Variants in PHKA1 observed in about 807,000 individuals in gnomAD.
The protein encoded by PHKA1 is phosphorylase kinase regulatory subunit alpha 1, also known as phosphorylase b kinase regulatory subunit alpha, skeletal muscle isoform.
PHKA1 carries 60 observed loss-of-function variants against 110.2 expected under a neutral mutation model. The observed-to-expected ratio is 0.54, with a 90% CI of 0.44 to 0.68. The LOEUF (loss-of-function observed/expected upper bound fraction) is 0.68. PHKA1 is among the 30% of genes least tolerant of loss of function. The pLI is 0.00. For synonymous variants in PHKA1, 316 were observed against 333.6 expected (o/e 0.95, Z 0.58); for missense variants, 801 against 942.5 (o/e 0.85, Z 1.97).
At position 72,609,652 on chromosome X, in the gene PHKA1, G is replaced by A. The variant is rs781963831; in HGVS notation, c.2578C>T (p.Pro860Ser). ...GAGATAGTCTTTTCTCGAGGTTCTG[G>A]AGGAAGTCCTACTGTCAAATGTTTC... is the stretch of plus-strand genomic sequence containing the variant. The part of the protein sequence containing the change: ...HQKHLTVGLP[P>S]EPREKTISAP... The change falls in exon 23 of 32, where the codon CCA becomes TCA. Residue 860 changes from proline (P) to serine (S), a missense_variant. Pro to Ser is a moderately conservative substitution (Grantham distance 74). This residue lies in a region of PHKA1 where 502 missense variants were observed against 519.2 expected (regional missense o/e 0.97). Transcript: ENST00000373542. The A allele has an allele frequency of 3.7e-5, 44 of 1,204,742 alleles. No individual in the cohort carries two copies. The Admixed American group carries it at 9.4e-4, about 26-fold the overall frequency.
At chrX:72,710,572 CTAA>C (rs1556334167) in intron 2 of PHKA1, among the ~76,000 whole-genome samples, 1 of 111,685 alleles carries the variant, frequency 9.0e-6, no homozygotes, top group Admixed American at 9.4e-5. Flanking sequence ...AAATTGAGAC[CTAA>C]TAATAAAAAC....
At chrX:72,636,184 C>T in intron 15 of PHKA1, 93 bp downstream of exon 15, 2 of 567,071 alleles carry the variant, frequency 3.5e-6, no homozygotes, top group Non-Finnish European at 6.2e-6. Flanking sequence ...AACTCTTTGA[C>T]ACTTATCCCA....
intron 5 of PHKA1, among the ~76,000 whole-genome samples, chrX:72,676,493 A>T (rs1204134009): frequency 8.9e-6 from 1 of 112,182 alleles, no homozygotes; most frequent in African/African-American, 3.2e-5. Flanking sequence ...ATGGAGCCTA[A>T]ATAGCAGCCC....
chrX:72,619,540 G>C (rs1459853168), intron 19 of PHKA1, among the ~76,000 whole-genome samples: 1 of 111,986 alleles, frequency 8.9e-6, no homozygotes, highest in Non-Finnish European at 1.9e-5. Context: ...GCACTAGCTG[G>C]ACATGTAAGA....
At chrX:72,669,893 C>T (rs1376564020) in intron 6 of PHKA1, among the ~76,000 whole-genome samples, 11 of 110,567 alleles carry the variant, frequency 9.9e-5, no homozygotes, top group Non-Finnish European at 2.1e-4. Flanking sequence ...TGGGTATATA[C>T]CCAGTAATGG....
chrX:72,618,825 G>A lies in PHKA1; in HGVS notation c.2254C>T (p.His752Tyr). ...NQVPSVRVEI[H>Y]LPRDQSGEVD... ...TCCCCAGACTGGTCTCTAGGAAGAT[G>A]TATTTCTACACGAACAGAGGGAACC... Residue 752 changes from histidine (H) to tyrosine (Y), a missense_variant, in exon 21 of 32, where the codon CAT becomes TAT. Coordinates refer to ENST00000373542, the MANE Select transcript of PHKA1 (RefSeq NM_002637.4). 1 of 1,204,372 alleles carries A rather than the reference G, an allele frequency of 8.3e-7. No individual in the cohort carries two copies.
chrX:72,625,669 GTTGT>G (rs782731052), intron 17 of PHKA1, among the ~76,000 whole-genome samples: 7 of 111,445 alleles, frequency 6.3e-5, no homozygotes, highest in Non-Finnish European at 1.1e-4. Context: ...TCTATTTTAA[GTTGT>G]TTGAGAAATC....
intron 4 of PHKA1, among the ~76,000 whole-genome samples, chrX:72,687,829 C>CT (rs1324615533): frequency 1.4e-3 from 143 of 100,164 alleles, no homozygotes; most frequent in Admixed American, 2.4e-3. Context: ...TTATCAGAAA[C>CT]TTTTTTTTTT....
In PHKA1 at chrX:72,620,771, G is replaced by T. The variant is rs782416080; in HGVS notation, c.2091C>A (p.Cys697Ter). The T allele has an allele frequency of 5.0e-6, 6 of 1,207,860 alleles. No homozygotes were observed. The highest frequency in any genetic ancestry group is 5.6e-6 in the Non-Finnish European group (5 of 894,504). Residue 697 changes from cysteine (C) to a stop codon, truncating the protein, a stop_gained, in exon 19 of 32, where the codon TGC (cysteine) becomes TGA (stop). Transcript: ENST00000373542. LOFTEE classifies it high-confidence loss of function. Reference protein sequence around the residue: ...DRFQAAVQTTCDLMSLVTKAK... With the variant: ...DRFQAAVQTT ...CCTTGGTCACCAAGGACATTAAGTC[G>T]CAGGTTGTTTGCACAGCAGCTTGGA...
At chrX:72,582,350 G>T (rs2052349635) in intron 31 of PHKA1, 48 bp downstream of exon 31, 2 of 917,351 alleles carry the variant, frequency 2.2e-6, no homozygotes, top group Non-Finnish European at 3.2e-6. Context: ...ATGTCATCAG[G>T]TTGGAGTAAA....
In PHKA1 at chrX:72,582,318, G is replaced by A. The variant is rs1173053317; in HGVS notation, c.3498+80C>T. 18 of 683,963 alleles carry A rather than the reference G, an allele frequency of 2.6e-5. No homozygotes were observed. In the East Asian group the frequency reaches 5.2e-4, roughly 20 times the overall value. 56.4% of individuals were successfully genotyped at this position (683,963 alleles called of 1,213,427 possible). On this transcript the variant is annotated intron_variant, in intron 31 of 31. Coordinates refer to ENST00000373542, the MANE Select transcript of PHKA1 (RefSeq NM_002637.4). ...AGGAAGAGGGCACAAGAAAGTGACC[G>A]TGGCTCCTCAAAGACCTCTGAATGT...
At chrX:72,605,477 T>C in intron 24 of PHKA1, 64 bp downstream of exon 24, 4 of 1,172,180 alleles carry the variant, frequency 3.4e-6, no homozygotes, top group Non-Finnish European at 4.7e-6. Flanking sequence ...TGGAAATTGC[T>C]AGATCAATTG....
At chrX:72,646,738 A>G (rs1309564872) in intron 13 of PHKA1, among the ~76,000 whole-genome samples, 2 of 111,745 alleles carry the variant, frequency 1.8e-5, no homozygotes, top group Non-Finnish European at 3.8e-5. Context: ...AGGCATAATC[A>G]GAGGAATACC....
chrX:72,692,972 G>A (rs1333564633), intron 4 of PHKA1, among the ~76,000 whole-genome samples: 1 of 107,807 alleles, frequency 9.3e-6, no homozygotes, highest in Non-Finnish European at 1.9e-5. Context: ...GTGTTTACAG[G>A]TATAAACTTC....
In PHKA1 at chrX:72,714,046, C is replaced by G; in HGVS notation, c.-166G>C. On this transcript the variant is annotated 5_prime_UTR_variant, in exon 1 of 32. Coordinates refer to ENST00000373542, the MANE Select transcript of PHKA1 (RefSeq NM_002637.4). ...CTCAGGCCTGGCGCCGCGGATTCCG[C>G]GTACCTCTCCGGACTCCGGCGGCCT... 2 of 493,875 alleles carry G rather than the reference C, an allele frequency of 4.0e-6. No individual in the cohort carries two copies. Among genetic ancestry groups the G allele is most frequent in the Admixed American group, 2.9e-5 (1 of 34,820 alleles). 40.7% of individuals were successfully genotyped at this position (493,875 alleles called of 1,213,427 possible).
At chrX:72,685,772 A>G (rs1336486026) in intron 4 of PHKA1, among the ~76,000 whole-genome samples, 1 of 112,397 alleles carries the variant, frequency 8.9e-6, no homozygotes, top group Non-Finnish European at 1.9e-5. Context: ...TTTCTGGTCT[A>G]TAACAAACAG....
chrX:72,660,939 C>T (rs1194455874), intron 8 of PHKA1, among the ~76,000 whole-genome samples: 2 of 112,084 alleles, frequency 1.8e-5, no homozygotes, highest in Admixed American at 9.4e-5. Flanking sequence ...AGATTGACTT[C>T]GTAAGCTACT....
chrX:72,655,392 AAC>A (rs1383463417), intron 10 of PHKA1, among the ~76,000 whole-genome samples: 1 of 111,750 alleles, frequency 8.9e-6, no homozygotes, highest in African/African-American at 3.2e-5. Context: ...CAGTCTGGGC[AAC>A]AGAGTGAGAG....
At chrX:72,656,817 A>C (rs1427224837) in intron 9 of PHKA1, among the ~76,000 whole-genome samples, 2 of 111,877 alleles carry the variant, frequency 1.8e-5, no homozygotes, top group African/African-American at 6.5e-5. Context: ...GTCAAGGAGA[A>C]TAAGGATTCA....
Sources: gnomAD v4.1 joint callset for allele counts (sites outside exome capture counted in the v4.1 genomes callset) on GRCh38, gnomAD v4.1.1 for gene constraint, gnomAD v4.1.1 regional missense constraint, MANE v1.5 for transcripts, NCBI Gene and HGNC (gene_info 2026-07-23, HGNC 2026-07-21) for gene names.